The following CDH13 variants were observed in gnomAD, a reference collection of about 807,000 sequenced individuals.
CDH13 encodes cadherin 13.
Under a neutral mutation model 63.8 loss-of-function variants are expected in CDH13, and 24 were observed. The ratio of observed to expected loss-of-function variants is 0.38; its 90% CI spans 0.27 to 0.53. The LOEUF (loss-of-function observed/expected upper bound fraction) is 0.53. CDH13 is among the 20% of genes least tolerant of loss of function. CDH13 has a pLI of 0.85. For missense variants in CDH13, 1,049 were observed against 903.1 expected (o/e 1.16, Z -2.07); for synonymous variants, 503 against 355.3 (o/e 1.42, Z -4.67).
intron 4 of CDH13, among the ~76,000 whole-genome samples, chr16:83,184,657 A>C (rs889631229): frequency 3.3e-5 from 5 of 152,184 alleles, no homozygotes; most frequent in African/African-American, 1.2e-4. Flanking sequence ...CAGGAGGCTA[A>C]GGCAGGAGAA....
At chr16:83,426,872 G>C (rs1012819170) in intron 6 of CDH13, among the ~76,000 whole-genome samples, 1 of 123,286 alleles carries the variant, frequency 8.1e-6, no homozygotes, top group Non-Finnish European at 1.7e-5. Context: ...ATATGACTTT[G>C]TCCTAATTCT....
At chr16:83,335,825 C>T (rs2090582129) in intron 5 of CDH13, among the ~76,000 whole-genome samples, 1 of 152,110 alleles carries the variant, frequency 6.6e-6, no homozygotes, top group Non-Finnish European at 1.5e-5. Context: ...CTCTCACGTG[C>T]ACCCCCTTAG....
At chr16:83,381,995 G>T (rs1040573156) in intron 6 of CDH13, among the ~76,000 whole-genome samples, 4 of 152,158 alleles carry the variant, frequency 2.6e-5, no homozygotes, top group Non-Finnish European at 5.9e-5. Context: ...ACACAGGAAC[G>T]ACGAAAAAGT....
At chr16:83,135,171 C>T (rs8056019) in intron 4 of CDH13, among the ~76,000 whole-genome samples, 34,730 of 151,988 alleles carry the variant, frequency 0.23, 4,351 homozygotes, top group Non-Finnish European at 0.28. Context: ...TACAACAGCC[C>T]TATAAAGTAG....
chr16:83,203,227 AAAAC>A (rs772392806), intron 4 of CDH13, among the ~76,000 whole-genome samples: 13 of 152,094 alleles, frequency 8.5e-5, no homozygotes, highest in African/African-American at 1.2e-4. Flanking sequence ...CCCGTCTCAA[AAAAC>A]AAACAAACAA....
At chr16:83,375,290 G>T (rs546466226) in intron 6 of CDH13, among the ~76,000 whole-genome samples, 63 of 152,312 alleles carry the variant, frequency 4.1e-4, no homozygotes, top group African/African-American at 1.5e-3. Flanking sequence ...TTAAAGAAGT[G>T]CTGAGGCCCC....
chr16:83,213,670 G>T (rs1318576845), intron 4 of CDH13, among the ~76,000 whole-genome samples: 3 of 152,178 alleles, frequency 2.0e-5, no homozygotes, highest in Non-Finnish European at 4.4e-5. Flanking sequence ...CTTCAAAAAG[G>T]ACCTGCTCAT....
chr16:83,063,941 G>A (rs773158116), intron 3 of CDH13, among the ~76,000 whole-genome samples: 7 of 152,106 alleles, frequency 4.6e-5, no homozygotes, highest in Non-Finnish European at 8.8e-5. Context: ...AAGTGGAAGG[G>A]ACAGAATCAA....
intron 3 of CDH13, among the ~76,000 whole-genome samples, chr16:83,036,498 C>T (rs1358041487): frequency 3.9e-5 from 6 of 152,100 alleles, no homozygotes; most frequent in Admixed American, 3.9e-4. Flanking sequence ...CCATCTGGAA[C>T]AGAGTAAACC....
intron 13 of CDH13, among the ~76,000 whole-genome samples, chr16:83,786,870 G>T (rs1267637668): frequency 1.3e-5 from 2 of 152,168 alleles, no homozygotes; most frequent in African/African-American, 4.8e-5. Context: ...TTACAGGTGT[G>T]AGCCACCACA....
intron 2 of CDH13, among the ~76,000 whole-genome samples, chr16:83,008,175 T>G (rs1009692293): frequency 6.6e-6 from 1 of 152,092 alleles, no homozygotes; most frequent in Admixed American, 6.5e-5. Context: ...ATAAATAGTA[T>G]AAATAACAAA....
chr16:83,781,785 G>C (rs541217356), intron 12 of CDH13, among the ~76,000 whole-genome samples: 28 of 151,538 alleles, frequency 1.8e-4, no homozygotes, highest in South Asian at 1.0e-3. Flanking sequence ...GCGTGCAGAG[G>C]GGGGTGAGCA....
intron 2 of CDH13, among the ~76,000 whole-genome samples, chr16:82,909,445 C>G (rs949571336): frequency 2.6e-5 from 4 of 152,120 alleles, no homozygotes; most frequent in African/African-American, 9.7e-5. Flanking sequence ...TTTAACTATT[C>G]TTTGGTACGG....
At chr16:83,140,027 C>G (rs893436242) in intron 4 of CDH13, among the ~76,000 whole-genome samples, 2 of 152,076 alleles carry the variant, frequency 1.3e-5, no homozygotes, top group African/African-American at 4.8e-5. Flanking sequence ...TCCCTGAGTC[C>G]CACCATTGGG....
chr16:82,668,763 T>C (rs28729232), intron 1 of CDH13, among the ~76,000 whole-genome samples: 3,213 of 152,252 alleles, frequency 0.021, 107 homozygotes, highest in African/African-American at 0.073. Context: ...ATGCTCTAAG[T>C]TGTGTCACAG....
intron 6 of CDH13, among the ~76,000 whole-genome samples, chr16:83,377,633 T>C (rs146028230): frequency 3.4e-4 from 52 of 152,296 alleles, no homozygotes; most frequent in African/African-American, 1.1e-3. Flanking sequence ...AGTCATTGAA[T>C]TGAAAAGCAG....
At position 82,686,669 on chromosome 16, in the gene CDH13, C is replaced by A. The variant is rs146238390; in HGVS notation, c.45+59532C>A. 7.1e-4 allele frequency among the ~76,000 whole-genome samples: 108 copies of A among 152,300 alleles called. No homozygotes were observed. The Middle Eastern group carries it at 0.01, about 14-fold the overall frequency. On this transcript the variant is annotated intron_variant, in intron 1 of 13. Transcript: ENST00000567109. ...TTATTGTTATGATTCCCGGAGATAACGTGCATGAAAGATTTTAGTGCAGGC... is the reference window on the plus strand; with the variant it reads ...TTATTGTTATGATTCCCGGAGATAAAGTGCATGAAAGATTTTAGTGCAGGC...
At chr16:83,400,324 G>T (rs549071438) in intron 6 of CDH13, among the ~76,000 whole-genome samples, 5 of 152,246 alleles carry the variant, frequency 3.3e-5, no homozygotes, top group African/African-American at 1.2e-4. Context: ...TGGCTTTCTG[G>T]TGCTCTGATG....
At chr16:83,325,779 A>G (rs1045895956) in intron 5 of CDH13, among the ~76,000 whole-genome samples, 4 of 151,888 alleles carry the variant, frequency 2.6e-5, no homozygotes, top group South Asian at 4.2e-4. Flanking sequence ...TATTTAGAAA[A>G]TTTTCCTTGA....
Sources: allele counts gnomAD v4.1 joint callset (sites outside exome capture counted in the v4.1 genomes callset), GRCh38; gene constraint gnomAD v4.1.1; transcripts MANE v1.5; gene names NCBI Gene and HGNC (gene_info 2026-07-23, HGNC 2026-07-21).